Variants in NSD1 observed in about 807,000 individuals in gnomAD.
NSD1 encodes nuclear receptor binding SET domain protein 1, also known as histone-lysine N-methyltransferase, H3 lysine-36 specific.
Under a neutral mutation model 242.7 loss-of-function variants are expected in NSD1, and 26 were observed. The ratio of observed to expected loss-of-function variants is 0.11; its 90% CI spans 0.08 to 0.15. The LOEUF (loss-of-function observed/expected upper bound fraction) is 0.15. NSD1 is among the 10% of genes least tolerant of loss of function. The pLI, the probability that NSD1 is intolerant of heterozygous loss-of-function variation, is 1.00. For synonymous variants in NSD1, 1,106 were observed against 1,178.1 expected (o/e 0.94, Z 1.25); for missense variants, 2,495 against 3,272.8 (o/e 0.76, Z 5.80).
At chr5:177,267,492 T>C (rs1757589690) in intron 14 of NSD1, 70 bp from the exon 15 acceptor site, 1 of 1,214,184 alleles carries the variant, frequency 8.2e-7, no homozygotes, top group Non-Finnish European at 1.2e-6. Flanking sequence ...TATATATATA[T>C]GTGTATGGAT....
chr5:177,208,800 AT>A (rs991952262), intron 4 of NSD1, among the ~76,000 whole-genome samples: 1 of 151,832 alleles, frequency 6.6e-6, no homozygotes, highest in Non-Finnish European at 1.5e-5. Flanking sequence ...GGTGCTAGTG[AT>A]TCTCCTGCCT....
chr5:177,194,647 A>T (rs1335229779), intron 3 of NSD1, among the ~76,000 whole-genome samples: 10 of 78,198 alleles, frequency 1.3e-4, no homozygotes, highest in East Asian at 3.4e-4. Flanking sequence ...ATTTGATTTT[A>T]TATTTTGAAT....
intron 4 of NSD1, among the ~76,000 whole-genome samples, chr5:177,208,244 C>G (rs987770590): frequency 1.3e-5 from 2 of 152,116 alleles, no homozygotes; most frequent in African/African-American, 4.8e-5. Flanking sequence ...TGTGAGGTAT[C>G]CAGAAAAGAT....
rs758774947 is a variant in NSD1, at chr5:177,238,309, G to C, written c.3994G>C (p.Glu1332Gln). The change falls in exon 7 of 23, where the codon GAG (glutamate) becomes CAG (glutamine). Residue 1332 changes from glutamate (E) to glutamine (Q), a missense_variant. Coordinates refer to ENST00000439151, the MANE Select transcript of NSD1 (RefSeq NM_022455.5). The surrounding 1 kb of genome is among the most constrained non-coding windows in gnomAD (Gnocchi z 4.6). ...RSSAQNKQVD[E>Q]NSLISTKEEP... ...TAGTGCTCAGAACAAGCAGGTGGAC[G>C]AGAATTCTTTGATTTCAACCAAAGA... 1.1e-5 allele frequency: 18 copies of C among 1,613,968 alleles called. No individual in the cohort carries two copies. Among genetic ancestry groups the C allele is most frequent in the Non-Finnish European group, 1.5e-5 (18 of 1,180,020 alleles).
At chr5:177,193,731 A>G (rs972578647) in intron 3 of NSD1, among the ~76,000 whole-genome samples, 4 of 151,912 alleles carry the variant, frequency 2.6e-5, no homozygotes, top group Admixed American at 6.6e-5. Context: ...CACATTCTTC[A>G]CTCCTTTCAA....
Position 177,296,650 on chromosome 5 carries a change from T to C in NSD1, c.*1191T>C, listed in dbSNP as rs1760275341. On this transcript the variant is annotated 3_prime_UTR_variant, in exon 23 of 23. Transcript: ENST00000439151. The stretch of plus-strand genomic sequence containing the variant: ...TTAGCTCAAAGGCAAGCCAGAACCC[T>C]TCCCTGAAGACTGGCAAGAGGTGGT... 4.3e-6 allele frequency: 1 copy of C among 233,180 alleles called. No individual in the cohort carries two copies. Among genetic ancestry groups the C allele is most frequent in the Non-Finnish European group, 8.5e-6 (1 of 118,072 alleles). 14.4% of individuals were successfully genotyped at this position (233,180 alleles called of 1,614,324 possible).
At chr5:177,268,327 TG>T (rs1440667467) in intron 15 of NSD1, among the ~76,000 whole-genome samples, 2 of 103,522 alleles carry the variant, frequency 1.9e-5, no homozygotes, top group East Asian at 6.5e-4. Flanking sequence ...GGAACTGTTG[TG>T]GGGTGGGGGG....
At chr5:177,222,230 G>A (rs889241190) in intron 5 of NSD1, among the ~76,000 whole-genome samples, 1 of 152,170 alleles carries the variant, frequency 6.6e-6, no homozygotes. Flanking sequence ...CCAGGTACAA[G>A]CGATTCTCAT....
chr5:177,201,983 A>G (rs1020779610), intron 3 of NSD1, among the ~76,000 whole-genome samples: 6 of 152,078 alleles, frequency 3.9e-5, no homozygotes, highest in Admixed American at 2.0e-4. Context: ...CCTGACCAAC[A>G]TGAGGAAATC....
chr5:177,253,754 T>C (rs1756196022), intron 12 of NSD1, among the ~76,000 whole-genome samples: 1 of 152,114 alleles, frequency 6.6e-6, no homozygotes, highest in African/African-American at 2.4e-5. Flanking sequence ...TGGCTCAGCC[T>C]CCTTAGTAGC....
At chr5:177,159,054 A>ATATATAT (rs1562132770) in intron 2 of NSD1, among the ~76,000 whole-genome samples, 1 of 130,848 alleles carries the variant, frequency 7.6e-6, no homozygotes, top group African/African-American at 3.7e-5. Flanking sequence ...TATATGAATG[A>ATATATAT]ATGAATGAGA....
Position 177,211,503 on chromosome 5 carries a change from C to T in NSD1, c.3104C>T (p.Ser1035Leu), listed in dbSNP as rs781091152. The change falls in exon 5 of 23, where the codon TCA becomes TTA. Residue 1035 changes from serine (S) to leucine (L), a missense_variant. Transcript: ENST00000439151. ...KPSSKLRDAF[S>L]AQMVKNTVNR... ...TCATCCAAATTGCGAGATGCTTTTT[C>T]AGCCCAAATGGTAAAGAACACAGTG... is the stretch of plus-strand genomic sequence containing the variant. 7.4e-6 allele frequency: 12 copies of T among 1,614,070 alleles called. No individual in the cohort carries two copies. The highest frequency in any genetic ancestry group is 9.3e-6 in the Non-Finnish European group (11 of 1,180,022).
chr5:177,206,182 T>C (rs1183475342), intron 4 of NSD1, among the ~76,000 whole-genome samples: 2 of 152,174 alleles, frequency 1.3e-5, no homozygotes, highest in Non-Finnish European at 2.9e-5. Flanking sequence ...GTATTTTTAG[T>C]AGAGACAGGG....
chr5:177,277,022 C>T (rs771047910), intron 17 of NSD1, among the ~76,000 whole-genome samples: 3 of 152,024 alleles, frequency 2.0e-5, no homozygotes, highest in Non-Finnish European at 4.4e-5. Context: ...CAGATAACAG[C>T]AAGGTAGGCA....
At chr5:177,234,370 C>T (rs549592334) in intron 5 of NSD1, among the ~76,000 whole-genome samples, 123 of 152,168 alleles carry the variant, frequency 8.1e-4, no homozygotes, top group Non-Finnish European at 1.6e-3. Flanking sequence ...TATTGAAGGA[C>T]CAGAGCAGTG....
chr5:177,150,209 C>T (rs1757591276), intron 2 of NSD1, among the ~76,000 whole-genome samples: 1 of 152,130 alleles, frequency 6.6e-6, no homozygotes, highest in South Asian at 2.1e-4. Context: ...TCTCGGCTCA[C>T]TGCAACCTCC....
chr5:177,191,416 C>A (rs574911591), intron 2 of NSD1, among the ~76,000 whole-genome samples: 1 of 152,198 alleles, frequency 6.6e-6, no homozygotes, highest in South Asian at 2.1e-4. Context: ...ATTGTTAATA[C>A]GCTAATAGAA....
Position 177,211,862 on chromosome 5 carries a change from G to A in NSD1, c.3463G>A (p.Val1155Met). The change falls in exon 5 of 23, where the codon GTG becomes ATG. Residue 1155 changes from valine (V) to methionine (M), a missense_variant. Around this residue, in one of 19 missense-constraint regions of NSD1, gnomAD observed 426 missense variants for 411.4 expected, o/e 1.04. Coordinates refer to ENST00000439151, the MANE Select transcript of NSD1 (RefSeq NM_022455.5). ...NDELNGVNQV[V>M]PKKRWQRLNQ... ...TGAACTCAATGGTGTAAATCAAGTG[G>A]TGCCTAAAAAGCGGTGGCAGCGTTT... 6.2e-7 allele frequency: 1 copy of A among 1,613,118 alleles called. No homozygotes were observed. The highest frequency in any genetic ancestry group is 1.3e-5 in the African/African-American group (1 of 74,968).
At chr5:177,249,288 G>A (rs1293472883) in intron 11 of NSD1, among the ~76,000 whole-genome samples, 1 of 152,068 alleles carries the variant, frequency 6.6e-6, no homozygotes, top group Non-Finnish European at 1.5e-5. Context: ...AGTCTGGGCA[G>A]CACAGCGAGA....
Sources: gnomAD v4.1 joint callset for allele counts (sites outside exome capture counted in the v4.1 genomes callset) on GRCh38, gnomAD v4.1.1 for gene constraint, gnomAD v4.1.1 regional missense constraint, Gnocchi (gnomAD v3.1) non-coding constraint, MANE v1.5 for transcripts, NCBI Gene and HGNC (gene_info 2026-07-23, HGNC 2026-07-21) for gene names.